Variants in NUB1 observed in about 807,000 individuals in gnomAD.
NUB1 encodes the protein NEDD8 ultimate buster 1.
In NUB1, 41 loss-of-function variants were observed where a neutral mutation model predicts 77.1. That is an observed-to-expected ratio of 0.53 (90% CI 0.41 to 0.69). The LOEUF is 0.69. Among genes scored for constraint, NUB1 ranks in the 30% least tolerant of loss-of-function variants. The pLI is 0.00. For missense variants in NUB1, 643 were observed against 743.8 expected (o/e 0.86, Z 1.58); for synonymous variants, 257 against 281.0 (o/e 0.91, Z 0.85).
intron 5 of NUB1, among the ~76,000 whole-genome samples, 184 bp from the exon 6 acceptor site, chr7:151,355,584 A>T (rs1361990367): frequency 6.6e-6 from 1 of 152,206 alleles, no homozygotes; most frequent in African/African-American, 2.4e-5. Flanking sequence ...GAGGTGCAAG[A>T]CTTGCTTGAG....
intron 10 of NUB1, 51 bp downstream of exon 10, chr7:151,368,019 C>A: frequency 9.2e-7 from 1 of 1,083,024 alleles, no homozygotes; most frequent in Non-Finnish European, 1.4e-6. Flanking sequence ...AAAAAACATT[C>A]CCAGAAGTTA....
intron 8 of NUB1, among the ~76,000 whole-genome samples, chr7:151,361,905 T>G (rs531975106): frequency 2.6e-5 from 4 of 152,328 alleles, no homozygotes; most frequent in Admixed American, 6.5e-5. Context: ...CCTAAAAGTT[T>G]AGGTAAATTT....
chr7:151,376,432 C>T (rs932486865), intron 13 of NUB1: 17 of 566,784 alleles, frequency 3.0e-5, no homozygotes, highest in African/African-American at 1.5e-4. Context: ...TGCTCCCTGA[C>T]GCACCCGACT....
rs539178322 is a variant in NUB1, at chr7:151,373,601, C to G, written c.1249-496C>G. 2.8e-4 allele frequency among the ~76,000 whole-genome samples: 43 copies of G among 152,324 alleles called. 1 individual carries two copies. Among genetic ancestry groups the G allele is most frequent in the African/African-American group, 1.0e-3 (42 of 41,572 alleles). ...TCCTTGCTCCCCAGGCTGTGGGGGG[C>G]GGGTCACCAGCTTTGGCATTGCCCA... On this transcript the variant is annotated intron_variant, in intron 11 of 14. Transcript: ENST00000568733.
chr7:151,362,466 C>T (rs1374889416), intron 8 of NUB1, among the ~76,000 whole-genome samples: 2 of 152,198 alleles, frequency 1.3e-5, no homozygotes, highest in African/African-American at 4.8e-5. Flanking sequence ...GTCACAACTT[C>T]CTACCATATG....
intron 1 of NUB1, 110 bp from the exon 2 acceptor site, chr7:151,345,238 A>C: frequency 1.6e-6 from 1 of 643,864 alleles, no homozygotes; most frequent in Non-Finnish European, 2.7e-6. Context: ...ATATTTAATG[A>C]CAGAGGAAGG....
At chr7:151,349,690 T>G (rs906951484) in intron 3 of NUB1, among the ~76,000 whole-genome samples, 1 of 152,154 alleles carries the variant, frequency 6.6e-6, no homozygotes, top group African/African-American at 2.4e-5. Flanking sequence ...GGCCAGGTAG[T>G]TTGCATCTAG....
rs1466008681 is a variant in NUB1 at position 151,368,847 on chromosome 7, A to G, written c.1208A>G (p.Asn403Ser). 2 of 1,613,832 alleles carry G rather than the reference A, an allele frequency of 1.2e-6. No homozygotes were observed. Among genetic ancestry groups the G allele is most frequent in the Non-Finnish European group, 1.7e-6 (2 of 1,179,876 alleles). The change falls in exon 11 of 15, where the codon AAC (asparagine) becomes AGC (serine). Residue 403 changes from asparagine to serine, a missense_variant. Transcript: ENST00000568733. ...CTTGGCCTGAGGGCGTGTGATGGGA[A>G]CGTGGATCATGCGGCCACTCATATT... ...ARLGLRACDG[N>S]VDHAATHITN...
rs1563032533 is a variant in NUB1 at position 151,375,852 on chromosome 7, T to C, written c.1400T>C (p.Leu467Pro). 1 of 1,606,862 alleles carries C rather than the reference T, an allele frequency of 6.2e-7. No homozygotes were observed. Among genetic ancestry groups the C allele is most frequent in the East Asian group, 2.2e-5 (1 of 44,814 alleles). The change falls in exon 13 of 15, where the codon CTG (leucine) becomes CCG (proline). Residue 467 changes from leucine to proline, a missense_variant. Leu to Pro is a moderately conservative substitution (Grantham distance 98). Transcript: ENST00000568733. ...GGGTGTTCCTGTGTGTTTTAGATTC[T>C]GCTCAGCAATCCTCAGATGTGGTGG... ...SGNLDEALKI[L>P]LSNPQMWWLN...
At chr7:151,363,791 T>G (rs1238562859) in intron 8 of NUB1, among the ~76,000 whole-genome samples, 1 of 152,070 alleles carries the variant, frequency 6.6e-6, no homozygotes, top group Non-Finnish European at 1.5e-5. Context: ...TTTATTTTAT[T>G]TTTTCAGACG....
At chr7:151,376,512 G>A (rs1798262340) in intron 13 of NUB1, 122 bp from the exon 14 acceptor site, 1 of 920,666 alleles carries the variant, frequency 1.1e-6, no homozygotes, top group African/African-American at 1.7e-5. Flanking sequence ...TGTGCACAAA[G>A]GGCCATGGTG....
intron 8 of NUB1, among the ~76,000 whole-genome samples, chr7:151,366,547 G>A (rs77203392): frequency 0.04 from 6,114 of 151,612 alleles, 141 homozygotes; most frequent in Admixed American, 0.068. Flanking sequence ...AAGAAAGAAC[G>A]TTGCTCTGGC....
At chr7:151,369,478 T>C (rs1797863104) in intron 11 of NUB1, among the ~76,000 whole-genome samples, 1 of 152,220 alleles carries the variant, frequency 6.6e-6, no homozygotes, top group Non-Finnish European at 1.5e-5. Context: ...TTATTAAAGT[T>C]GGGGATTGCA....
rs546552199 is a variant in NUB1, at chr7:151,376,092, C to A, written c.1491+149C>A. ...AGGTGTAACCTGCCCACCTCAGAGG[C>A]CACCCACGCAGTAACAGAGGGCAGG... On this transcript the variant is annotated intron_variant, in intron 13 of 14. Transcript: ENST00000568733. 2.0e-4 allele frequency: 128 copies of A among 637,086 alleles called. 2 individuals are homozygous for A. In the African/African-American group the frequency reaches 2.0e-3, roughly 10 times the overall value. The allele number at this position is 637,086 out of a possible 1,614,324, so 39.5% of individuals were successfully genotyped here. A position where few individuals can be genotyped will look rare whatever the true frequency, so the allele number is the denominator to read the frequency against.
intron 3 of NUB1, chr7:151,351,213 G>A (rs1004027496): frequency 2.8e-5 from 15 of 544,204 alleles, no homozygotes; most frequent in African/African-American, 9.7e-5. Flanking sequence ...CCTGCCTGGT[G>A]GTGCCACGCT....
At chr7:151,342,336 T>G (rs1042923406) in intron 1 of NUB1, among the ~76,000 whole-genome samples, 7 of 152,218 alleles carry the variant, frequency 4.6e-5, no homozygotes, top group Admixed American at 4.6e-4. Flanking sequence ...GAATCTTTCA[T>G]TTTCCTAAGA....
rs116860296 is a variant in NUB1, at chr7:151,353,017, C to T, written c.415+135C>T. On this transcript the variant is annotated intron_variant, in intron 5 of 14. Coordinates refer to ENST00000568733, the MANE Select transcript of NUB1 (RefSeq NM_001243351.2). ...AATCCAAAAGTGATTTAGAAGTTTA[C>T]TAAAATAAAAATGTAAAGCAGAAAA... The T allele has an allele frequency of 7.6e-3, 4,367 of 576,958 alleles. 25 individuals carry two copies. The highest frequency in any genetic ancestry group is 0.011 in the Non-Finnish European group (3,463 of 328,826). The allele number at this position is 576,958 out of a possible 1,614,324, so 35.7% of individuals were successfully genotyped here. A position where few individuals can be genotyped will look rare whatever the true frequency, so the allele number is the denominator to read the frequency against.
intron 3 of NUB1, among the ~76,000 whole-genome samples, chr7:151,350,916 A>G (rs1373936581): frequency 6.6e-6 from 1 of 152,224 alleles, no homozygotes; most frequent in African/African-American, 2.4e-5. Flanking sequence ...ACTGTTCACA[A>G]TGCAAAGGAA....
rs771800731 is a variant in NUB1 at position 151,345,372 on chromosome 7, A to T, written c.23A>T (p.Gln8Leu). 1.2e-6 allele frequency: 2 copies of T among 1,611,962 alleles called. No individual in the cohort carries two copies. The highest frequency in any genetic ancestry group is 1.7e-6 in the Non-Finnish European group (2 of 1,178,616). ...GGGATGGCACAAAAGAAATATCTTC[A>T]AGCAAAATTGACCCAGTTTTTAAGG... MAQKKYL[Q>L]AKLTQFLRED... is the part of the protein sequence containing the mutation. Residue 8 changes from glutamine (Q) to leucine (L), a missense_variant, in exon 2 of 15, where the codon CAA (glutamine) becomes CTA (leucine). By Grantham distance (113) the Gln-to-Leu change is moderately radical (BLOSUM62 -2). Transcript: ENST00000568733.
Sources: allele counts gnomAD v4.1 joint callset (sites outside exome capture counted in the v4.1 genomes callset), GRCh38; gene constraint gnomAD v4.1.1; transcripts MANE v1.5; gene names NCBI Gene and HGNC (gene_info 2026-07-23, HGNC 2026-07-21).